Variants in RB1 observed in about 807,000 individuals in gnomAD.
The protein encoded by RB1 is retinoblastoma-associated protein.
A neutral mutation model predicts 135.4 loss-of-function variants in RB1; 18 were observed. The observed-to-expected ratio is 0.13, with a 90% CI of 0.09 to 0.20. RB1 has a LOEUF of 0.20. Ranked by LOEUF, RB1 falls within the 10% of genes least tolerant of loss-of-function variation. RB1 has a pLI of 1.00. For missense variants in RB1, 868 were observed against 1,110.0 expected (o/e 0.78, Z 3.10); for synonymous variants, 365 against 373.2 (o/e 0.98, Z 0.25).
At chr13:48,433,756 A>C (rs1177536963) in intron 17 of RB1, among the ~76,000 whole-genome samples, 1 of 151,462 alleles carries the variant, frequency 6.6e-6, no homozygotes, top group Non-Finnish European at 1.5e-5. Flanking sequence ...ACTTTCAGTT[A>C]AACTAGACAA....
At chr13:48,376,791 C>T (rs1952829106) in intron 12 of RB1, 127 bp from the exon 13 acceptor site, 1 of 1,403,392 alleles carries the variant, frequency 7.1e-7, no homozygotes, top group East Asian at 2.4e-5. Flanking sequence ...TTGTGGTTAC[C>T]TAGTTATTAT....
chr13:48,320,071 G>T, intron 2 of RB1: 1 of 577,748 alleles, frequency 1.7e-6, no homozygotes, highest in Non-Finnish European at 3.1e-6. Context: ...TTGCCTTTAG[G>T]TACTCCCGGA....
At chr13:48,410,494 A>G (rs1485265218) in intron 17 of RB1, among the ~76,000 whole-genome samples, 1 of 152,182 alleles carries the variant, frequency 6.6e-6, no homozygotes, top group Non-Finnish European at 1.5e-5. Context: ...ACAGTATATT[A>G]CTTTCTAAAT....
intron 2 of RB1, chr13:48,316,936 C>A (rs915641650): frequency 2.8e-6 from 1 of 362,398 alleles, no homozygotes; most frequent in South Asian, 3.7e-5. Flanking sequence ...CTAACCAAGG[C>A]GTGCCCGCCC....
At chr13:48,317,172 T>TCCTTCTCTTCA (rs1483646439) in intron 2 of RB1, 3 of 630,990 alleles carry the variant, frequency 4.8e-6, no homozygotes, top group Non-Finnish European at 7.1e-6. Flanking sequence ...GGACGGGCCC[T>TCCTTCTCTTCA]GTGGAGGCAG....
chr13:48,414,090 A>T (rs536710074), intron 17 of RB1, among the ~76,000 whole-genome samples: 10 of 152,264 alleles, frequency 6.6e-5, no homozygotes, highest in Admixed American at 2.0e-4. Flanking sequence ...GCTCACGCCT[A>T]TAATCCCAGC....
rs1409367625 is a variant in RB1, at chr13:48,319,630, A to T, written c.264+12224A>T. 4 of 250,706 alleles carry T rather than the reference A, an allele frequency of 1.6e-5. No homozygotes were observed. In the East Asian group the frequency reaches 4.0e-4, roughly 25 times the overall value. The allele number at this position is 250,706 out of a possible 1,614,324, so 15.5% of individuals were successfully genotyped here. A position where few individuals can be genotyped will look rare whatever the true frequency, so the allele number is the denominator to read the frequency against. ...AACCGGGGAGGTTTGCGAAAGGCGA[A>T]CTCTTTATGGGCGCCCTTCAGACCC... On this transcript the variant is annotated intron_variant, in intron 2 of 26. Transcript: ENST00000267163. The surrounding 1 kb of genome is among the most constrained non-coding windows in gnomAD (Gnocchi z 5.0).
intron 17 of RB1, among the ~76,000 whole-genome samples, chr13:48,408,389 A>T (rs149495106): frequency 1.3e-5 from 2 of 152,036 alleles, no homozygotes. Flanking sequence ...ACACCTGAAA[A>T]ATTTTCTCAG....
chr13:48,404,285 A>C (rs750826797), intron 17 of RB1: 1 of 152,212 alleles, frequency 6.6e-6, no homozygotes, highest in Non-Finnish European at 1.5e-5. Context: ...GAAATAGGAA[A>C]GGCAGTTCTT....
intron 2 of RB1, among the ~76,000 whole-genome samples, chr13:48,323,794 T>C (rs1203132229): frequency 1.3e-5 from 2 of 152,086 alleles, no homozygotes; most frequent in Admixed American, 1.3e-4. Flanking sequence ...CCATTAAGCT[T>C]TCCTGGAGAA....
rs188149470 is a variant in RB1, at chr13:48,384,630, A to G, written c.1695+3187A>G. ...ATTCTCGTTAAAACTGTAGATTGAT[A>G]GGAACATATTCACACAGAGTTGTTG... On this transcript the variant is annotated intron_variant, in intron 17 of 26. Transcript: ENST00000267163. 2.6e-5 allele frequency among the ~76,000 whole-genome samples: 4 copies of G among 152,318 alleles called. No individual in the cohort carries two copies. In the East Asian group the frequency reaches 7.7e-4, roughly 29 times the overall value.
At chr13:48,425,684 C>T (rs2138261439) in intron 17 of RB1, among the ~76,000 whole-genome samples, 1 of 150,390 alleles carries the variant, frequency 6.6e-6, no homozygotes, top group East Asian at 1.9e-4. Flanking sequence ...GAGTCCTCAA[C>T]TCTTAAAGGA....
intron 17 of RB1, among the ~76,000 whole-genome samples, chr13:48,423,361 G>A (rs552313188): frequency 1.3e-5 from 2 of 151,944 alleles, no homozygotes; most frequent in South Asian, 2.1e-4. Flanking sequence ...TGCAACCTCC[G>A]CAGGTTGGGT....
chr13:48,417,567 C>T (rs1227652816), intron 17 of RB1, among the ~76,000 whole-genome samples: 1 of 151,504 alleles, frequency 6.6e-6, no homozygotes, highest in Non-Finnish European at 1.5e-5. Context: ...CAAAACTGGA[C>T]AGAGAATAAT....
chr13:48,445,372 A>G (rs896738732), intron 17 of RB1, among the ~76,000 whole-genome samples: 4 of 152,178 alleles, frequency 2.6e-5, no homozygotes, highest in African/African-American at 9.7e-5. Flanking sequence ...TGTTTCTCTT[A>G]GAATATTTAA....
At chr13:48,331,158 A>G (rs79608078) in intron 2 of RB1, among the ~76,000 whole-genome samples, 1,666 of 152,350 alleles carry the variant, frequency 0.011, 27 homozygotes, top group African/African-American at 0.037. Flanking sequence ...TATACGTGAT[A>G]AGCCCACAGC....
chr13:48,426,218 C>T (rs1441727058), intron 17 of RB1, among the ~76,000 whole-genome samples: 1 of 152,064 alleles, frequency 6.6e-6, no homozygotes, highest in Non-Finnish European at 1.5e-5. Context: ...GAATGTAAAC[C>T]TCTAAAAAGA....
chr13:48,404,223 C>A (rs1441492934), intron 17 of RB1: 2 of 152,026 alleles, frequency 1.3e-5, no homozygotes, highest in Non-Finnish European at 2.9e-5. Context: ...AAGAGAGAAG[C>A]AGAACAGAAA....
chr13:48,318,048 G>C (rs1441680055), intron 2 of RB1: 2 of 527,868 alleles, frequency 3.8e-6, no homozygotes, highest in Non-Finnish European at 7.1e-6. Context: ...GCTGGGCCCT[G>C]GCATTCCCTG....
Sources: allele counts gnomAD v4.1 joint callset (sites outside exome capture counted in the v4.1 genomes callset), GRCh38; gene constraint gnomAD v4.1.1; non-coding constraint Gnocchi (gnomAD v3.1); transcripts MANE v1.5; gene names NCBI Gene and HGNC (gene_info 2026-07-23, HGNC 2026-07-21).